PTPN1: variants seen among roughly 807,000 people sequenced by gnomAD.
The protein encoded by PTPN1 is tyrosine-protein phosphatase non-receptor type 1.
Under a neutral mutation model 59.9 loss-of-function variants are expected in PTPN1, and 12 were observed. That is an observed-to-expected ratio of 0.20 (90% CI 0.13 to 0.32). The LOEUF is 0.32. Ranked by LOEUF, PTPN1 falls within the 10% of genes least tolerant of loss-of-function variation. PTPN1 has a pLI of 1.00. For synonymous variants in PTPN1, 178 were observed against 203.6 expected (o/e 0.87, Z 1.07); for missense variants, 356 against 549.2 (o/e 0.65, Z 3.52).
At chr20:50,580,216 G>GC (rs113132070) in intron 8 of PTPN1, among the ~76,000 whole-genome samples, 3,057 of 152,088 alleles carry the variant, frequency 0.02, 57 homozygotes, top group African/African-American at 0.043. Flanking sequence ...GGGTTTTTCT[G>GC]CCCCCCCTGA....
intron 1 of PTPN1, among the ~76,000 whole-genome samples, chr20:50,550,722 G>T (rs1448114684): frequency 6.6e-6 from 1 of 152,194 alleles, no homozygotes; most frequent in Non-Finnish European, 1.5e-5. Context: ...CCCTGGGCCT[G>T]GGCCTGTGTT....
chr20:50,546,358 AG>A (rs1219720943), intron 1 of PTPN1, among the ~76,000 whole-genome samples: 1 of 152,206 alleles, frequency 6.6e-6, no homozygotes, highest in Non-Finnish European at 1.5e-5. Flanking sequence ...AGCCACACAG[AG>A]GAGCTTGGTT....
rs1400346340 is a variant in PTPN1, at chr20:50,568,812, A to C, written c.354+334A>C. On this transcript the variant is annotated intron_variant, in intron 4 of 9. Coordinates refer to ENST00000371621, the MANE Select transcript of PTPN1 (RefSeq NM_002827.4). This position sits in a 1 kb window ranked among gnomAD's most constrained non-coding sequence, Gnocchi z 5.6. Reference sequence around the variant, plus strand: ...TGTGGAGTTATGGAGACCTGCTTTTATCTTGAAAAGCAAGTTCTTAGTGCA... The same window carrying C: ...TGTGGAGTTATGGAGACCTGCTTTTCTCTTGAAAAGCAAGTTCTTAGTGCA... 6.6e-6 allele frequency among the ~76,000 whole-genome samples: 1 copy of C among 152,124 alleles called. No individual in the cohort carries two copies. The highest frequency in any genetic ancestry group is 2.4e-5 in the African/African-American group (1 of 41,418).
At chr20:50,530,574 G>A (rs2082596305) in intron 1 of PTPN1, among the ~76,000 whole-genome samples, 11 of 151,826 alleles carry the variant, frequency 7.2e-5, no homozygotes, top group Admixed American at 7.2e-4. Context: ...GGTCAGGATG[G>A]TCTTGATCTC....
chr20:50,538,295 G>T (rs2082633019), intron 1 of PTPN1, among the ~76,000 whole-genome samples: 1 of 152,050 alleles, frequency 6.6e-6, no homozygotes, highest in Non-Finnish European at 1.5e-5. Context: ...GCATGAAAAG[G>T]ACAGAAGAGA....
chr20:50,514,128 T>G (rs2082518894), intron 1 of PTPN1, among the ~76,000 whole-genome samples: 1 of 152,256 alleles, frequency 6.6e-6, no homozygotes, highest in Non-Finnish European at 1.5e-5. Flanking sequence ...GCTATTGTTA[T>G]TTGACATCAC....
intron 1 of PTPN1, among the ~76,000 whole-genome samples, chr20:50,532,619 A>G (rs2122738233): frequency 6.6e-6 from 1 of 152,272 alleles, no homozygotes; most frequent in East Asian, 1.9e-4. Flanking sequence ...TAATTCCCCC[A>G]TAGAACTATG....
rs112583637 is a variant in PTPN1, at chr20:50,522,047, G to A, written c.63+11457G>A. 4.0e-3 allele frequency among the ~76,000 whole-genome samples: 604 copies of A among 152,292 alleles called. 3 individuals carry two copies. Among genetic ancestry groups the A allele is most frequent in the African/African-American group, 0.014 (565 of 41,564 alleles). On this transcript the variant is annotated intron_variant, in intron 1 of 9. Transcript: ENST00000371621. ...CCTTGTAGGTATTTGGTATATTATCGTTAGATAAAATTGAAGCAAAGGGCT... is the reference window on the plus strand; with the variant it reads ...CCTTGTAGGTATTTGGTATATTATCATTAGATAAAATTGAAGCAAAGGGCT...
intron 1 of PTPN1, among the ~76,000 whole-genome samples, chr20:50,530,175 A>ATT (rs781236833): frequency 2.4e-4 from 29 of 121,074 alleles, no homozygotes; most frequent in Non-Finnish European, 3.1e-4. Flanking sequence ...TGCCTGGCTG[A>ATT]TTTTTTTTTT....
intron 1 of PTPN1, among the ~76,000 whole-genome samples, chr20:50,534,260 C>T (rs555719010): frequency 6.6e-6 from 1 of 152,210 alleles, no homozygotes; most frequent in African/African-American, 2.4e-5. Flanking sequence ...CTGCTTTTAG[C>T]AAATTTAATC....
chr20:50,525,568 A>C (rs1225865224), intron 1 of PTPN1, among the ~76,000 whole-genome samples: 4 of 152,004 alleles, frequency 2.6e-5, no homozygotes, highest in Non-Finnish European at 1.5e-5. Context: ...TCCTGTTTCT[A>C]ATTCTAGCTA....
At chr20:50,524,378 T>A (rs544047875) in intron 1 of PTPN1, among the ~76,000 whole-genome samples, 23 of 152,126 alleles carry the variant, frequency 1.5e-4, no homozygotes, top group East Asian at 1.2e-3. Flanking sequence ...ACAAAAAAAA[T>A]TATATTTTAA....
intron 2 of PTPN1, among the ~76,000 whole-genome samples, chr20:50,562,498 G>A (rs540344492): frequency 1.2e-4 from 18 of 152,268 alleles, no homozygotes; most frequent in South Asian, 2.1e-4. Flanking sequence ...GAGTGGCTTC[G>A]GGCAAGTTGT....
chr20:50,567,941 C>T lies in PTPN1; in HGVS notation c.256-439C>T, dbSNP rs531971033. Among the ~76,000 whole-genome samples the T allele has an allele frequency of 8.5e-5, 13 of 152,242 alleles. No individual in the cohort carries two copies. The East Asian group carries it at 2.3e-3, about 27-fold the overall frequency. On this transcript the variant is annotated intron_variant, in intron 3 of 9. Coordinates refer to ENST00000371621, the MANE Select transcript of PTPN1 (RefSeq NM_002827.4). ...GCGATGGGGAAACTGGGGCAGGGAGCGATGAAGTGACTTGCGCAAGGTCAC... is the reference window on the plus strand; with the variant it reads ...GCGATGGGGAAACTGGGGCAGGGAGTGATGAAGTGACTTGCGCAAGGTCAC...
intron 4 of PTPN1, among the ~76,000 whole-genome samples, chr20:50,570,353 T>C (rs933279666): frequency 2.1e-4 from 32 of 152,338 alleles, no homozygotes; most frequent in African/African-American, 7.2e-4. Flanking sequence ...TTGCCTACTT[T>C]TTAAAAAATG....
chr20:50,559,864 T>G (rs1052200664), intron 1 of PTPN1, among the ~76,000 whole-genome samples: 1 of 152,064 alleles, frequency 6.6e-6, no homozygotes, highest in Non-Finnish European at 1.5e-5. Context: ...CCAAGGGTTT[T>G]TTTTTTTTTC....
Position 50,579,152 on chromosome 20 carries a change from CCT to C in PTPN1, c.703-11_703-10del, listed in dbSNP as rs2082852252. 6.2e-7 allele frequency: 1 copy of C among 1,613,814 alleles called. No individual in the cohort carries two copies. The highest frequency in any genetic ancestry group is 8.5e-7 in the Non-Finnish European group (1 of 1,179,762). ...AATTGGACCTGGCTGACTTATATCT[CCT>C]CTCTGGCTTTCAGATGGACAAGAGG... On this transcript the variant is annotated splice_polypyrimidine_tract_variant and intron_variant, in intron 6 of 9. Coordinates refer to ENST00000371621, the MANE Select transcript of PTPN1 (RefSeq NM_002827.4).
intron 1 of PTPN1, among the ~76,000 whole-genome samples, chr20:50,531,947 A>G (rs1444781791): frequency 6.6e-6 from 1 of 152,196 alleles, no homozygotes; most frequent in Non-Finnish European, 1.5e-5. Context: ...GGCTACGCGC[A>G]TGGTAACCAT....
chr20:50,570,728 C>T (rs1318051282), intron 4 of PTPN1, among the ~76,000 whole-genome samples: 1 of 152,162 alleles, frequency 6.6e-6, no homozygotes, highest in African/African-American at 2.4e-5. Context: ...GCTAGGGATC[C>T]GGGCAGGGAG....
Sources: gnomAD v4.1 joint callset for allele counts (sites outside exome capture counted in the v4.1 genomes callset) on GRCh38, gnomAD v4.1.1 for gene constraint, Gnocchi (gnomAD v3.1) non-coding constraint, MANE v1.5 for transcripts, NCBI Gene and HGNC (gene_info 2026-07-23, HGNC 2026-07-21) for gene names.